Variants in SGCD observed in about 807,000 individuals in gnomAD.
SGCD encodes the protein sarcoglycan delta.
A neutral mutation model predicts 36.6 loss-of-function variants in SGCD; 18 were observed. That is an observed-to-expected ratio of 0.49 (90% CI 0.34 to 0.73). SGCD has a LOEUF of 0.73. SGCD is among the 30% of genes least tolerant of loss of function. The pLI, the probability that SGCD is intolerant of heterozygous loss-of-function variation, is 0.01. For missense variants in SGCD, 387 were observed against 346.7 expected, an observed-to-expected ratio of 1.12 and a Z score of -0.92; for synonymous variants, 133 against 130.6, an observed-to-expected ratio of 1.02 and a Z score of -0.12.
At chr5:156,114,524 G>A (rs1761864526) in intron 1 of SGCD, among the ~76,000 whole-genome samples, 1 of 152,002 alleles carries the variant, frequency 6.6e-6, no homozygotes, top group Non-Finnish European at 1.5e-5. Flanking sequence ...AGAAATAGGT[G>A]TTGGAGGCCT....
At chr5:156,650,913 GGCT>G (rs1357567708) in intron 7 of SGCD, among the ~76,000 whole-genome samples, 1 of 152,006 alleles carries the variant, frequency 6.6e-6, no homozygotes, top group Non-Finnish European at 1.5e-5. Context: ...TCCAAATAAT[GGCT>G]GAACTAATTT....
chr5:156,164,991 A>G (rs183370612), intron 3 of SGCD, among the ~76,000 whole-genome samples: 2 of 152,366 alleles, frequency 1.3e-5, no homozygotes, highest in Admixed American at 1.3e-4. Flanking sequence ...AGTTGTGCCA[A>G]TGAAATGAAT....
chr5:156,586,997 A>T (rs993884555), intron 4 of SGCD, among the ~76,000 whole-genome samples: 2 of 152,204 alleles, frequency 1.3e-5, no homozygotes, highest in East Asian at 3.8e-4. Flanking sequence ...TGCAGAAACT[A>T]AACAGAAACT....
chr5:155,944,503 T>A (rs1757398724), intron 1 of SGCD, among the ~76,000 whole-genome samples: 1 of 152,216 alleles, frequency 6.6e-6, no homozygotes, highest in Admixed American at 6.5e-5. Flanking sequence ...AGCTATAGAT[T>A]ACCTCGTTGG....
At position 156,763,805 on chromosome 5, in the gene SGCD, A is replaced by AC. The variant is rs1179970784; in HGVS notation, c.*4420dup. ...AAGGAATTTTTTTTAAATGTAAATG[A>AC]CCCCCATTTACCAGACCCTAATCAA... On this transcript the variant is annotated 3_prime_UTR_variant, in exon 9 of 9. Transcript: ENST00000337851. The AC allele has an allele frequency of 6.6e-6, 1 of 151,726 alleles. No homozygotes were observed. Among genetic ancestry groups the AC allele is most frequent in the Non-Finnish European group, 1.5e-5 (1 of 67,964 alleles). The allele number at this position is 151,726 out of a possible 1,614,324, so 9.4% of individuals were successfully genotyped here.
intron 1 of SGCD, among the ~76,000 whole-genome samples, chr5:156,009,874 C>A (rs1014558669): frequency 6.6e-6 from 1 of 152,154 alleles, no homozygotes; most frequent in Non-Finnish European, 1.5e-5. Context: ...TTGAAATGCG[C>A]ATCCTCAGGC....
intron 1 of SGCD, among the ~76,000 whole-genome samples, chr5:156,019,705 G>C (rs769685462): frequency 3.9e-5 from 6 of 152,196 alleles, no homozygotes; most frequent in Non-Finnish European, 5.9e-5. Context: ...TGGAGAACTT[G>C]TGGTAGCATC....
At chr5:156,554,725 C>T (rs1758947927) in intron 4 of SGCD, among the ~76,000 whole-genome samples, 1 of 150,592 alleles carries the variant, frequency 6.6e-6, no homozygotes, top group African/African-American at 2.4e-5. Context: ...GAATGTATTC[C>T]CTGAAGATAA....
At chr5:156,632,550 T>C (rs1435328315) in intron 6 of SGCD, among the ~76,000 whole-genome samples, 1 of 152,198 alleles carries the variant, frequency 6.6e-6, no homozygotes, top group Admixed American at 6.5e-5. Flanking sequence ...TTGACCTGTC[T>C]TTTCTTCATA....
the SGCD span, among the ~76,000 whole-genome samples, chr5:155,834,316 C>T: frequency 3.9e-4 from 59 of 152,252 alleles, no homozygotes; most frequent in Non-Finnish European, 7.5e-4. Context: ...TTTCTGAGAA[C>T]GGTACTGCAT....
intron 7 of SGCD, among the ~76,000 whole-genome samples, chr5:156,744,713 A>G (rs1756863182): frequency 6.6e-6 from 1 of 152,214 alleles, no homozygotes; most frequent in Non-Finnish European, 1.5e-5. Flanking sequence ...TGGAGCCATG[A>G]TCAACAAACT....
At chr5:156,357,134 C>T (rs1769533105) in intron 3 of SGCD, among the ~76,000 whole-genome samples, 1 of 152,170 alleles carries the variant, frequency 6.6e-6, no homozygotes, top group African/African-American at 2.4e-5. Flanking sequence ...GTACCGCCAC[C>T]ATCAATGCTA....
At chr5:156,231,705 T>C (rs888791219) in intron 3 of SGCD, among the ~76,000 whole-genome samples, 1 of 152,140 alleles carries the variant, frequency 6.6e-6, no homozygotes, top group Non-Finnish European at 1.5e-5. Context: ...GTATTCAAAC[T>C]TTAGATATAT....
chr5:156,316,336 A>G (rs1341712144), intron 3 of SGCD, among the ~76,000 whole-genome samples: 1 of 152,048 alleles, frequency 6.6e-6, no homozygotes, highest in African/African-American at 2.4e-5. Context: ...AAAATAGCCT[A>G]TGTTCATAAA....
chr5:156,488,499 A>T (rs895461316), intron 3 of SGCD, among the ~76,000 whole-genome samples: 1 of 152,148 alleles, frequency 6.6e-6, no homozygotes, highest in Admixed American at 6.5e-5. Context: ...ATGGGATGAT[A>T]CATTCAAAGT....
At position 156,477,049 on chromosome 5, in the gene SGCD, GA is replaced by G. The variant is rs5872462; in HGVS notation, c.193-31537del. Among the ~76,000 whole-genome samples, 616 of 123,004 alleles carry G rather than the reference GA, an allele frequency of 5.0e-3. 10 individuals carry two copies. The East Asian group carries it at 0.051, about 10-fold the overall frequency. 80.7% of individuals were successfully genotyped at this position (123,004 alleles called of 152,430 possible). Reference sequence around the variant, plus strand: ...AATTCAGTGAATTTCAAGAGAAAAAGAAAAAAAAAAAAAAAGGAAAACCCAT... The same window carrying G: ...AATTCAGTGAATTTCAAGAGAAAAAGAAAAAAAAAAAAAAGGAAAACCCAT... On this transcript the variant is annotated intron_variant, in intron 3 of 8. Transcript: ENST00000337851.
chr5:156,078,874 A>G (rs892386561), intron 1 of SGCD, among the ~76,000 whole-genome samples: 4 of 151,438 alleles, frequency 2.6e-5, no homozygotes, highest in African/African-American at 7.3e-5. Flanking sequence ...AGTTCTATAC[A>G]ATTTTATCAC....
rs941380989 is a variant in SGCD at position 156,762,939 on chromosome 5, C to T, written c.*3549C>T. The stretch of plus-strand genomic sequence containing the variant: ...AATATAGTTACTTGGCAAAGTCTTT[C>T]AGGAAGGAAGCCCTTCCTTATGTTA... On this transcript the variant is annotated 3_prime_UTR_variant, in exon 9 of 9. Transcript: ENST00000337851. 6.6e-6 allele frequency: 1 copy of T among 152,224 alleles called. No individual in the cohort carries two copies. Among genetic ancestry groups the T allele is most frequent in the African/African-American group, 2.4e-5 (1 of 41,448 alleles). The allele number at this position is 152,224 out of a possible 1,614,324, so 9.4% of individuals were successfully genotyped here. A position where few individuals can be genotyped will look rare whatever the true frequency, so the allele number is the denominator to read the frequency against.
chr5:156,005,742 G>T (rs1394708361), intron 1 of SGCD, among the ~76,000 whole-genome samples: 1 of 152,188 alleles, frequency 6.6e-6, no homozygotes, highest in African/African-American at 2.4e-5. Flanking sequence ...GAGCCACCGT[G>T]CCCGGCCTTT....
Sources: gnomAD v4.1 joint callset for allele counts (sites outside exome capture counted in the v4.1 genomes callset) on GRCh38, gnomAD v4.1.1 for gene constraint, MANE v1.5 for transcripts, NCBI Gene and HGNC (gene_info 2026-07-23, HGNC 2026-07-21) for gene names.